PTPRG: variants seen among roughly 807,000 people sequenced by gnomAD.
PTPRG encodes protein tyrosine phosphatase receptor type G.
A neutral mutation model predicts 165.3 loss-of-function variants in PTPRG; 102 were observed. That is an observed-to-expected ratio of 0.62 (90% CI 0.53 to 0.73). The LOEUF (loss-of-function observed/expected upper bound fraction) is 0.73, where lower values mean the gene tolerates loss of function less well. PTPRG is among the 30% of genes least tolerant of loss of function. PTPRG has a pLI of 0.00. For synonymous variants in PTPRG, 675 were observed against 669.5 expected (o/e 1.01, Z -0.13); for missense variants, 1,866 against 1,861.4 (o/e 1.00, Z -0.05).
chr3:62,296,694 G>A lies in PTPRG; in HGVS notation c.*3387G>A, dbSNP rs1376589823. ...GATGTAATTTCACTTAACCCTTTGC[G>A]CTTTCCCTTAGTTGTCATTTAACAT... On this transcript the variant is annotated 3_prime_UTR_variant, in exon 30 of 30. Transcript: ENST00000474889. 4.7e-5 allele frequency: 7 copies of A among 148,524 alleles called. No individual in the cohort carries two copies. The South Asian group carries it at 6.3e-4, about 13-fold the overall frequency. 9.2% of individuals were successfully genotyped at this position (148,524 alleles called of 1,614,324 possible).
intron 1 of PTPRG, among the ~76,000 whole-genome samples, chr3:61,649,046 T>C (rs1702277645): frequency 6.6e-6 from 1 of 152,200 alleles, no homozygotes; most frequent in Non-Finnish European, 1.5e-5. Context: ...TAGTGTTAAC[T>C]TTGGGTTTGT....
At chr3:61,722,822 A>T (rs558853535) in intron 1 of PTPRG, among the ~76,000 whole-genome samples, 2 of 152,338 alleles carry the variant, frequency 1.3e-5, no homozygotes, top group South Asian at 4.1e-4. Flanking sequence ...AGGATGCCTA[A>T]TACATAGTTA....
chr3:62,204,784 C>G (rs1056177342), intron 12 of PTPRG, among the ~76,000 whole-genome samples: 1 of 152,130 alleles, frequency 6.6e-6, no homozygotes, highest in African/African-American at 2.4e-5. Flanking sequence ...GACAGTGAGG[C>G]CAGGGCATGA....
rs138991667 is a variant in PTPRG, at chr3:62,070,550, T to C, written c.520-7613T>C. Among the ~76,000 whole-genome samples the C allele has an allele frequency of 1.7e-4, 26 of 152,388 alleles. No homozygotes were observed. In the East Asian group the frequency reaches 4.2e-3, roughly 25 times the overall value. On this transcript the variant is annotated intron_variant, in intron 4 of 29. Transcript: ENST00000474889. ...CCTTGCACTGCACAGACTTACGTCC[T>C]GCGTGCATACATCTTTCTGTCTACA...
At chr3:62,138,979 A>C (rs1236828748) in intron 6 of PTPRG, among the ~76,000 whole-genome samples, 3 of 152,186 alleles carry the variant, frequency 2.0e-5, no homozygotes, top group African/African-American at 7.2e-5. Context: ...CAGTCGTCTA[A>C]AACGGACCAC....
chr3:61,848,375 T>C (rs2036865656), intron 2 of PTPRG, among the ~76,000 whole-genome samples: 1 of 152,240 alleles, frequency 6.6e-6, no homozygotes, highest in East Asian at 1.9e-4. Flanking sequence ...TTTGTGTGCC[T>C]GACCTCTGAG....
At chr3:61,767,052 C>T (rs545196544) in intron 2 of PTPRG, among the ~76,000 whole-genome samples, 26 of 151,074 alleles carry the variant, frequency 1.7e-4, no homozygotes, top group Non-Finnish European at 3.5e-4. Context: ...GAGACCATCC[C>T]GGCCAACATG....
At chr3:62,246,089 A>G (rs1485378557) in intron 15 of PTPRG, among the ~76,000 whole-genome samples, 1 of 152,124 alleles carries the variant, frequency 6.6e-6, no homozygotes, top group East Asian at 1.9e-4. Context: ...GTTTCTCCTA[A>G]TTCATACTCA....
intron 5 of PTPRG, among the ~76,000 whole-genome samples, chr3:62,119,989 T>A (rs1196422950): frequency 6.6e-6 from 1 of 152,086 alleles, no homozygotes; most frequent in Non-Finnish European, 1.5e-5. Context: ...TGCCTGCACA[T>A]CAGAATCATC....
intron 2 of PTPRG, among the ~76,000 whole-genome samples, chr3:61,893,780 G>A (rs546309039): frequency 6.6e-6 from 1 of 152,288 alleles, no homozygotes; most frequent in East Asian, 1.9e-4. Flanking sequence ...TTGAGCGGGG[G>A]CATCCAGTTG....
chr3:61,956,291 C>CTG (rs143607138), intron 2 of PTPRG, among the ~76,000 whole-genome samples: 6,373 of 113,346 alleles, frequency 0.056, 303 homozygotes, highest in East Asian at 0.27. Flanking sequence ...CTCTCTCTCT[C>CTG]TCTCACACAC....
At chr3:61,949,533 A>T (rs1379227949) in intron 2 of PTPRG, among the ~76,000 whole-genome samples, 4 of 152,120 alleles carry the variant, frequency 2.6e-5, no homozygotes, top group African/African-American at 9.7e-5. Context: ...AGTATATTTT[A>T]CCTTTTATGC....
chr3:61,914,772 G>A (rs1280777728), intron 2 of PTPRG, among the ~76,000 whole-genome samples: 1 of 152,154 alleles, frequency 6.6e-6, no homozygotes, highest in Non-Finnish European at 1.5e-5. Context: ...AAACAGGTTA[G>A]GAAAGATACA....
intron 2 of PTPRG, among the ~76,000 whole-genome samples, chr3:61,836,743 G>GTT (rs55916289): frequency 8.5e-5 from 13 of 152,058 alleles, no homozygotes; most frequent in Non-Finnish European, 1.3e-4. Flanking sequence ...GTTGTTTTTT[G>GTT]TTTTTTTATT....
chr3:61,643,381 A>G (rs1702117465), intron 1 of PTPRG, among the ~76,000 whole-genome samples: 1 of 152,172 alleles, frequency 6.6e-6, no homozygotes, highest in Non-Finnish European at 1.5e-5. Context: ...TAACTAGTAA[A>G]ATCTGGGCAT....
intron 10 of PTPRG, among the ~76,000 whole-genome samples, chr3:62,196,760 C>A (rs558666460): frequency 1.4e-3 from 213 of 152,316 alleles, no homozygotes; most frequent in African/African-American, 4.9e-3. Context: ...AAAACCACGC[C>A]AGGTTAACCA....
At chr3:61,622,723 A>T (rs572427822) in intron 1 of PTPRG, among the ~76,000 whole-genome samples, 1 of 152,300 alleles carries the variant, frequency 6.6e-6, no homozygotes, top group South Asian at 2.1e-4. Context: ...TGCCTTCAGT[A>T]ATAGTCTTAC....
At chr3:61,618,763 T>A (rs939857852) in intron 1 of PTPRG, among the ~76,000 whole-genome samples, 2 of 152,206 alleles carry the variant, frequency 1.3e-5, no homozygotes, top group Non-Finnish European at 2.9e-5. Flanking sequence ...GACTTTCTGT[T>A]GATGAGAGTC....
intron 1 of PTPRG, among the ~76,000 whole-genome samples, chr3:61,568,814 G>A (rs546474695): frequency 1.3e-5 from 2 of 151,982 alleles, no homozygotes; most frequent in East Asian, 3.9e-4. Flanking sequence ...AGGCTGAGGC[G>A]GGAGAATTGC....
Sources: allele counts gnomAD v4.1 joint callset (sites outside exome capture counted in the v4.1 genomes callset), GRCh38; gene constraint gnomAD v4.1.1; transcripts MANE v1.5; gene names NCBI Gene and HGNC (gene_info 2026-07-23, HGNC 2026-07-21).